UNC5C: variants seen among roughly 807,000 people sequenced by gnomAD.
The protein encoded by UNC5C is unc-5 netrin receptor C, also known as netrin receptor UNC5C.
A neutral mutation model predicts 99.8 loss-of-function variants in UNC5C; 47 were observed. That is an observed-to-expected ratio of 0.47 (90% confidence interval 0.37 to 0.60). The LOEUF (loss-of-function observed/expected upper bound fraction) is 0.60. Among genes scored for constraint, UNC5C ranks in the 20% least tolerant of loss-of-function variants. The probability of loss-of-function intolerance (pLI) is 0.00; values close to 1 mark genes in which losing one functional copy is unlikely to be tolerated. For synonymous variants in UNC5C, 487 were observed against 452.2 expected, an observed-to-expected ratio of 1.08 and a Z score of -0.98; for missense variants, 1,062 against 1,165.9, an observed-to-expected ratio of 0.91 and a Z score of 1.30.
Position 95,405,275 on chromosome 4 carries a change from G to A in UNC5C, c.125-69644C>T, listed in dbSNP as rs530686534. ...TGCAGAGCTGGAGCCCAAAGTACTCGCCCCGGCCTCTACATGTGCCCATCT... is the reference window on the plus strand; with the variant it reads ...TGCAGAGCTGGAGCCCAAAGTACTCACCCCGGCCTCTACATGTGCCCATCT... On this transcript the variant is annotated intron_variant, in intron 1 of 15. Transcript: ENST00000453304. Among the ~76,000 whole-genome samples, 19 of 152,206 alleles carry A rather than the reference G, an allele frequency of 1.2e-4. No homozygotes were observed. In the East Asian group the frequency reaches 3.1e-3, roughly 25 times the overall value.
chr4:95,533,115 A>G (rs1406240923), intron 1 of UNC5C, among the ~76,000 whole-genome samples: 3 of 152,088 alleles, frequency 2.0e-5, no homozygotes, highest in Non-Finnish European at 4.4e-5. Context: ...CTTTATTTTG[A>G]AAAATAATAT....
At chr4:95,405,508 G>C (rs999773704) in intron 1 of UNC5C, among the ~76,000 whole-genome samples, 1 of 152,152 alleles carries the variant, frequency 6.6e-6, no homozygotes, top group Non-Finnish European at 1.5e-5. Flanking sequence ...ATCATCAGCT[G>C]CTTCATGATC....
intron 1 of UNC5C, among the ~76,000 whole-genome samples, chr4:95,510,243 T>C (rs1722034035): frequency 2.0e-5 from 3 of 152,012 alleles, no homozygotes; most frequent in Admixed American, 2.0e-4. Flanking sequence ...TATTTTACCA[T>C]CCATTTGTAA....
chr4:95,375,517 G>A (rs780850073), intron 1 of UNC5C, among the ~76,000 whole-genome samples: 16 of 152,116 alleles, frequency 1.1e-4, no homozygotes, highest in South Asian at 2.1e-4. Context: ...AATATAAAAT[G>A]CTAATCTGAA....
At chr4:95,378,424 G>T (rs1372577039) in intron 1 of UNC5C, among the ~76,000 whole-genome samples, 2 of 152,114 alleles carry the variant, frequency 1.3e-5, no homozygotes, top group Non-Finnish European at 2.9e-5. Context: ...TATCTTAAGG[G>T]TATTGTGGCT....
intron 1 of UNC5C, among the ~76,000 whole-genome samples, chr4:95,476,303 T>C (rs1299102960): frequency 6.6e-6 from 1 of 152,056 alleles, no homozygotes; most frequent in African/African-American, 2.4e-5. Flanking sequence ...TATTTCTGTT[T>C]GAAAGCAGTT....
At chr4:95,470,210 T>C (rs1747924035) in intron 1 of UNC5C, among the ~76,000 whole-genome samples, 1 of 152,164 alleles carries the variant, frequency 6.6e-6, no homozygotes, top group Non-Finnish European at 1.5e-5. Context: ...TAATTTTTTC[T>C]ACATTTCTAG....
chr4:95,234,381 C>CTTTTTT (rs35325293), intron 7 of UNC5C, among the ~76,000 whole-genome samples: 1 of 150,444 alleles, frequency 6.6e-6, no homozygotes, highest in African/African-American at 2.4e-5. Context: ...AATCGCTTAC[C>CTTTTTT]TTTTTTTTAT....
intron 2 of UNC5C, among the ~76,000 whole-genome samples, chr4:95,312,694 T>A (rs1274479902): frequency 6.6e-6 from 1 of 152,184 alleles, no homozygotes; most frequent in Non-Finnish European, 1.5e-5. Context: ...TGAAACTATG[T>A]CTCAGAAAAG....
At chr4:95,256,577 T>G (rs886641232) in intron 4 of UNC5C, among the ~76,000 whole-genome samples, 1 of 151,900 alleles carries the variant, frequency 6.6e-6, no homozygotes, top group Non-Finnish European at 1.5e-5. Context: ...TCTTATCTTC[T>G]GCTTTTCCTC....
intron 1 of UNC5C, among the ~76,000 whole-genome samples, chr4:95,359,278 A>T (rs976133975): frequency 6.6e-6 from 1 of 152,150 alleles, no homozygotes; most frequent in Admixed American, 6.5e-5. Context: ...ATTACTTTAG[A>T]CCTACTTCTA....
At chr4:95,371,376 G>C (rs1437807309) in intron 1 of UNC5C, among the ~76,000 whole-genome samples, 1 of 145,068 alleles carries the variant, frequency 6.9e-6, no homozygotes, top group African/African-American at 2.5e-5. Flanking sequence ...AACATTTGCT[G>C]AACCTACAGC....
At chr4:95,237,152 G>T (rs1739150720) in intron 7 of UNC5C, among the ~76,000 whole-genome samples, 1 of 151,716 alleles carries the variant, frequency 6.6e-6, no homozygotes. Context: ...TTTTTTTATT[G>T]TTTTTAAAAA....
intron 1 of UNC5C, among the ~76,000 whole-genome samples, chr4:95,444,471 A>G (rs265025): frequency 0.44 from 66,493 of 151,782 alleles, 14,823 homozygotes; most frequent in East Asian, 0.6. Context: ...AGCTGGGACT[A>G]CAGGGGCCTG....
Position 95,206,677 on chromosome 4 carries a change from T to C in UNC5C, c.1853A>G (p.Glu618Gly), listed in dbSNP as rs1359071747. The C allele has an allele frequency of 6.2e-7, 1 of 1,614,114 alleles. No individual in the cohort carries two copies. Among genetic ancestry groups the C allele is most frequent in the Non-Finnish European group, 8.5e-7 (1 of 1,180,034 alleles). ...GTTCTTGAGCAGTATTTTCCAGTCCTCGGTATTGGGGTCTGCGCAGTGATG... is the reference window on the plus strand; with the variant it reads ...GTTCTTGAGCAGTATTTTCCAGTCCCCGGTATTGGGGTCTGCGCAGTGATG... The part of the protein sequence containing the change: ...TMHHCADPNT[E>G]DWKILLKNQA... Residue 618 changes from glutamate to glycine, a missense_variant, in exon 11 of 16, where the codon GAG (glutamate) becomes GGG (glycine). Glu to Gly is a moderately conservative substitution (Grantham distance 98). This residue lies in a region of UNC5C where 810 missense variants were observed against 854.5 expected (regional missense o/e 0.95). Coordinates refer to ENST00000453304, the MANE Select transcript of UNC5C (RefSeq NM_003728.4).
chr4:95,187,588 T>G (rs901728993), intron 12 of UNC5C, among the ~76,000 whole-genome samples: 1 of 150,164 alleles, frequency 6.7e-6, no homozygotes, highest in Admixed American at 6.6e-5. Context: ...GCATTTTGAG[T>G]GCAGAGTCTT....
intron 7 of UNC5C, among the ~76,000 whole-genome samples, chr4:95,221,076 C>A (rs533958483): frequency 6.6e-6 from 1 of 152,260 alleles, no homozygotes; most frequent in Admixed American, 6.5e-5. Flanking sequence ...TTGCATGTTG[C>A]CTTGGTGGCA....
At chr4:95,266,928 C>A (rs765801076) in intron 4 of UNC5C, among the ~76,000 whole-genome samples, 5 of 152,194 alleles carry the variant, frequency 3.3e-5, no homozygotes, top group African/African-American at 4.8e-5. Context: ...GTCATTTTCT[C>A]ACTTCCATTC....
chr4:95,201,006 C>G (rs534038663), intron 12 of UNC5C, among the ~76,000 whole-genome samples: 19 of 152,066 alleles, frequency 1.2e-4, no homozygotes, highest in Non-Finnish European at 2.2e-4. Context: ...CCAGAGAGCT[C>G]TCTCCCCAGC....
Sources: gnomAD v4.1 joint callset for allele counts (sites outside exome capture counted in the v4.1 genomes callset) on GRCh38, gnomAD v4.1.1 for gene constraint, gnomAD v4.1.1 regional missense constraint, MANE v1.5 for transcripts, NCBI Gene and HGNC (gene_info 2026-07-23, HGNC 2026-07-21) for gene names.